Variants in MEMO1 observed in about 807,000 individuals in gnomAD.
MEMO1 encodes protein MEMO1.
In MEMO1, 6 loss-of-function variants were observed where a neutral mutation model predicts 45.2. The observed-to-expected ratio is 0.13, with a 90% CI of 0.07 to 0.26. The LOEUF (loss-of-function observed/expected upper bound fraction) is 0.26, where lower values mean the gene tolerates loss of function less well. MEMO1 is among the 10% of genes least tolerant of loss of function. The probability of loss-of-function intolerance (pLI) is 1.00; values close to 1 mark genes in which losing one functional copy is unlikely to be tolerated. For synonymous variants in MEMO1, 78 were observed against 124.3 expected, an observed-to-expected ratio of 0.63 and a Z score of 2.48; for missense variants, 184 against 370.5, an observed-to-expected ratio of 0.50 and a Z score of 4.13.
At chr2:31,999,882 A>ATT (rs5830219) in intron 2 of MEMO1, among the ~76,000 whole-genome samples, 14 of 123,096 alleles carry the variant, frequency 1.1e-4, no homozygotes, top group South Asian at 7.9e-4. Context: ...TGCATCAGGC[A>ATT]TTTTTTTTTT....
At chr2:31,988,669 T>C (rs960078939) in intron 2 of MEMO1, among the ~76,000 whole-genome samples, 7 of 152,238 alleles carry the variant, frequency 4.6e-5, no homozygotes, top group African/African-American at 1.7e-4. Flanking sequence ...CCAAATTTTT[T>C]AAAGCCAGTT....
At chr2:31,929,357 C>T (rs1683606322) in intron 4 of MEMO1, among the ~76,000 whole-genome samples, 2 of 152,062 alleles carry the variant, frequency 1.3e-5, no homozygotes, top group South Asian at 2.1e-4. Flanking sequence ...ATCGCTTCCA[C>T]TGGTTACATT....
chr2:31,916,939 G>C (rs1196702841), intron 6 of MEMO1, among the ~76,000 whole-genome samples: 1 of 152,024 alleles, frequency 6.6e-6, no homozygotes, highest in Admixed American at 6.6e-5. Context: ...CATATTTAGG[G>C]TAAAAAAGAA....
intron 2 of MEMO1, among the ~76,000 whole-genome samples, 167 bp from the exon 3 acceptor site, chr2:31,943,550 T>C (rs1665861437): frequency 6.6e-6 from 1 of 152,218 alleles, no homozygotes; most frequent in Non-Finnish European, 1.5e-5. Context: ...ACACAGTCTC[T>C]AACAAGCCAT....
intron 2 of MEMO1, among the ~76,000 whole-genome samples, chr2:31,960,662 T>C (rs1266137152): frequency 6.6e-6 from 1 of 152,162 alleles, no homozygotes; most frequent in Non-Finnish European, 1.5e-5. Context: ...CTTGGCTCAC[T>C]GCAACCTCCA....
rs976519258 is a variant in MEMO1, at chr2:31,930,714, T to C, written c.212+1353A>G. Among the ~76,000 whole-genome samples the C allele has an allele frequency of 2.6e-4, 39 of 151,940 alleles. 1 individual carries two copies. The highest frequency in any genetic ancestry group is 2.6e-4 in the Admixed American group (4 of 15,272). ...AAGCTGGAGTGCGGTGGCGCGATCTTGGCTCACTGCAACCTCCACCTCCCG... is the reference window on the plus strand; with the variant it reads ...AAGCTGGAGTGCGGTGGCGCGATCTCGGCTCACTGCAACCTCCACCTCCCG... On this transcript the variant is annotated intron_variant, in intron 4 of 9. Transcript: ENST00000404530.
chr2:31,896,683 A>C (rs1677867149), intron 6 of MEMO1, among the ~76,000 whole-genome samples: 2 of 152,232 alleles, frequency 1.3e-5, no homozygotes, highest in Non-Finnish European at 2.9e-5. Context: ...GAATTTAACA[A>C]AATGAAAAAC....
At chr2:31,897,761 T>C (rs1388718422) in intron 6 of MEMO1, among the ~76,000 whole-genome samples, 1 of 152,184 alleles carries the variant, frequency 6.6e-6, no homozygotes, top group East Asian at 1.9e-4. Context: ...CCCCTCTTTT[T>C]CCATTATTTG....
intron 6 of MEMO1, among the ~76,000 whole-genome samples, chr2:31,912,265 G>A (rs921814624): frequency 1.3e-5 from 2 of 152,112 alleles, no homozygotes; most frequent in Admixed American, 1.3e-4. Flanking sequence ...GAACCTGGGA[G>A]GTGGGGGTTG....
chr2:31,920,131 C>T (rs778695036), intron 5 of MEMO1, among the ~76,000 whole-genome samples: 3 of 151,522 alleles, frequency 2.0e-5, no homozygotes, highest in Non-Finnish European at 4.4e-5. Flanking sequence ...TCTTATAGTA[C>T]TCTTTATACT....
At chr2:31,981,386 G>T (rs755401913) in intron 2 of MEMO1, among the ~76,000 whole-genome samples, 1 of 152,092 alleles carries the variant, frequency 6.6e-6, no homozygotes, top group Non-Finnish European at 1.5e-5. Context: ...ACTACTTAAG[G>T]TAACTTAAAC....
At chr2:31,894,301 A>G (rs946723072) in intron 6 of MEMO1, among the ~76,000 whole-genome samples, 1 of 152,214 alleles carries the variant, frequency 6.6e-6, no homozygotes, top group Non-Finnish European at 1.5e-5. Flanking sequence ...CCACTGAGGT[A>G]TAAGTTCCAT....
chr2:32,004,868 A>G (rs1673852209), intron 2 of MEMO1, among the ~76,000 whole-genome samples: 1 of 151,782 alleles, frequency 6.6e-6, no homozygotes, highest in African/African-American at 2.4e-5. Context: ...CAGAGGTTGC[A>G]GTGAGCTGAG....
chr2:31,924,930 T>C (rs115524912), intron 4 of MEMO1, among the ~76,000 whole-genome samples: 1,838 of 152,320 alleles, frequency 0.012, 20 homozygotes, highest in Non-Finnish European at 0.014. Context: ...TCTGGAAACA[T>C]AGATCATATC....
chr2:31,873,341 CA>C (rs1674067252), intron 8 of MEMO1, among the ~76,000 whole-genome samples: 1 of 152,076 alleles, frequency 6.6e-6, no homozygotes, highest in African/African-American at 2.4e-5. Context: ...ATTTAAGTTT[CA>C]GAAACAAATC....
At chr2:31,912,061 C>T (rs901670165) in intron 6 of MEMO1, among the ~76,000 whole-genome samples, 7 of 151,906 alleles carry the variant, frequency 4.6e-5, no homozygotes, top group Admixed American at 2.6e-4. Flanking sequence ...AGGCTGGGAG[C>T]GGTGGGTCAC....
chr2:31,904,899 C>G (rs1184104115), intron 6 of MEMO1, among the ~76,000 whole-genome samples: 1 of 152,138 alleles, frequency 6.6e-6, no homozygotes, highest in Non-Finnish European at 1.5e-5. Flanking sequence ...AGAATTTAAG[C>G]AGAATACTGT....
intron 2 of MEMO1, among the ~76,000 whole-genome samples, chr2:31,958,043 G>A (rs974459569): frequency 6.6e-6 from 1 of 152,158 alleles, no homozygotes; most frequent in Non-Finnish European, 1.5e-5. Flanking sequence ...CATGTCTACT[G>A]TGGACTGAGT....
intron 4 of MEMO1, among the ~76,000 whole-genome samples, chr2:31,926,553 G>T (rs1477417414): frequency 2.0e-5 from 3 of 151,944 alleles, no homozygotes; most frequent in Non-Finnish European, 2.9e-5. Flanking sequence ...GTGACATTAA[G>T]AAATGTTATT....
Sources: gnomAD v4.1 joint callset for allele counts (sites outside exome capture counted in the v4.1 genomes callset) on GRCh38, gnomAD v4.1.1 for gene constraint, MANE v1.5 for transcripts, NCBI Gene and HGNC (gene_info 2026-07-23, HGNC 2026-07-21) for gene names.